Variants in TLN2 observed in about 807,000 individuals in gnomAD.
The protein encoded by TLN2 is talin-2.
In TLN2, 118 loss-of-function variants were observed where a neutral mutation model predicts 294.7. The ratio of observed to expected loss-of-function variants is 0.40; its 90% CI spans 0.34 to 0.47. The LOEUF (loss-of-function observed/expected upper bound fraction) is 0.47. Ranked by LOEUF, TLN2 falls within the 20% of genes least tolerant of loss-of-function variation. TLN2 has a pLI of 0.84. For missense variants in TLN2, 3,083 were observed against 3,282.2 expected (o/e 0.94, Z 1.48); for synonymous variants, 1,431 against 1,304.5 (o/e 1.10, Z -2.09).
At chr15:62,492,862 G>C (rs189787221) in intron 1 of TLN2, among the ~76,000 whole-genome samples, 72 of 152,220 alleles carry the variant, frequency 4.7e-4, no homozygotes, top group African/African-American at 1.6e-3. Flanking sequence ...GTAAATCCTT[G>C]TGTCTCTAAT....
At position 62,570,340 on chromosome 15, in the gene TLN2, GA is replaced by G. The variant is rs1472792598; in HGVS notation, c.-237-19341del. Among the ~76,000 whole-genome samples the G allele has an allele frequency of 3.3e-5, 5 of 152,290 alleles. No homozygotes were observed. In the East Asian group the frequency reaches 9.7e-4, roughly 29 times the overall value. On this transcript the variant is annotated intron_variant, in intron 1 of 58. Coordinates refer to ENST00000636159, the MANE Select transcript of TLN2 (RefSeq NM_015059.3). ...TAATCTTTGGTAAACATGGCCGTTGGAAAAAAGCAAATATTTGTCTTGGCAG... is the reference window on the plus strand; with the variant it reads ...TAATCTTTGGTAAACATGGCCGTTGGAAAAAGCAAATATTTGTCTTGGCAG...
chr15:62,607,039 C>T (rs574350665), intron 2 of TLN2, among the ~76,000 whole-genome samples: 2 of 152,160 alleles, frequency 1.3e-5, no homozygotes, highest in African/African-American at 2.4e-5. Flanking sequence ...TCCTCATCTC[C>T]GGATGAGTTT....
intron 1 of TLN2, among the ~76,000 whole-genome samples, chr15:62,537,285 G>T (rs534767977): frequency 6.6e-6 from 1 of 152,168 alleles, no homozygotes; most frequent in South Asian, 2.1e-4. Context: ...AAAGTGCTGG[G>T]ATTACAGGCA....
At chr15:62,462,532 G>T (rs938673525) in intron 1 of TLN2, among the ~76,000 whole-genome samples, 6 of 152,176 alleles carry the variant, frequency 3.9e-5, no homozygotes, top group Non-Finnish European at 7.3e-5. Context: ...GACCCTCAGG[G>T]TCCAGATTGC....
intron 1 of TLN2, among the ~76,000 whole-genome samples, chr15:62,548,669 C>T (rs2042125481): frequency 6.6e-6 from 1 of 152,150 alleles, no homozygotes; most frequent in African/African-American, 2.4e-5. Flanking sequence ...GGTTCCTGTT[C>T]ATCCCACAGC....
intron 58 of TLN2, among the ~76,000 whole-genome samples, chr15:62,839,890 C>A (rs1176298815): frequency 6.6e-6 from 1 of 152,228 alleles, no homozygotes; most frequent in African/African-American, 2.4e-5. Flanking sequence ...GTAGCCTAGT[C>A]AAGGCTCTGG....
chr15:62,399,586 G>A (rs2032863009), intron 1 of TLN2, among the ~76,000 whole-genome samples: 1 of 152,240 alleles, frequency 6.6e-6, no homozygotes, highest in Non-Finnish European at 1.5e-5. Flanking sequence ...AGCTGTCCAA[G>A]GTCATGGGAA....
intron 1 of TLN2, among the ~76,000 whole-genome samples, chr15:62,494,454 A>T (rs529184953): frequency 3.3e-5 from 5 of 152,200 alleles, no homozygotes; most frequent in Admixed American, 1.3e-4. Flanking sequence ...CCCTATTTAG[A>T]AAAATGGCTA....
intron 1 of TLN2, among the ~76,000 whole-genome samples, chr15:62,546,468 C>T (rs77215620): frequency 0.014 from 2,161 of 152,162 alleles, 17 homozygotes; most frequent in Middle Eastern, 0.027. Flanking sequence ...ATTTCTTGCT[C>T]CATAGTTGTG....
At chr15:62,659,096 G>A (rs887561452) in intron 9 of TLN2, among the ~76,000 whole-genome samples, 1 of 152,142 alleles carries the variant, frequency 6.6e-6, no homozygotes, top group African/African-American at 2.4e-5. Context: ...TCATTCACCG[G>A]GTTCCTATAT....
At chr15:62,702,716 C>T in intron 18 of TLN2, 50 bp from the exon 19 acceptor site, 2 of 1,559,534 alleles carry the variant, frequency 1.3e-6, no homozygotes, top group Non-Finnish European at 1.8e-6. Flanking sequence ...TCTGATGGCA[C>T]TGGAGGAAAT....
chr15:62,409,142 G>C (rs563272785), intron 1 of TLN2, among the ~76,000 whole-genome samples: 1 of 150,198 alleles, frequency 6.7e-6, no homozygotes, highest in African/African-American at 2.5e-5. Context: ...ATGACTGACT[G>C]TTGGGGATTT....
rs1202686248 is a variant in TLN2, at chr15:62,518,594, G to GT, written c.-237-71085dup. Reference sequence around the variant, plus strand: ...ACGGTGGAGAGCCGTGACCTGCAATGTTTTTTTTGTTTGTTTTTTTGAGAT... The same window carrying GT: ...ACGGTGGAGAGCCGTGACCTGCAATGTTTTTTTTTGTTTGTTTTTTTGAGAT... On this transcript the variant is annotated intron_variant, in intron 1 of 58. Coordinates refer to ENST00000636159, the MANE Select transcript of TLN2 (RefSeq NM_015059.3). Among the ~76,000 whole-genome samples the GT allele has an allele frequency of 2.0e-5, 3 of 151,620 alleles. No homozygotes were observed. The East Asian group carries it at 5.8e-4, about 29-fold the overall frequency.
intron 5 of TLN2, among the ~76,000 whole-genome samples, chr15:62,651,552 T>C (rs2052586479): frequency 6.6e-6 from 1 of 152,200 alleles, no homozygotes; most frequent in South Asian, 2.1e-4. Flanking sequence ...TAATACAATT[T>C]TAATTACTGG....
chr15:62,766,791 C>T (rs2063037155), intron 41 of TLN2, among the ~76,000 whole-genome samples: 1 of 152,188 alleles, frequency 6.6e-6, no homozygotes, highest in Non-Finnish European at 1.5e-5. Flanking sequence ...GGCCGGCCAG[C>T]CCCATTCTGG....
chr15:62,474,778 G>A (rs1048072224), intron 1 of TLN2, among the ~76,000 whole-genome samples: 2 of 152,244 alleles, frequency 1.3e-5, no homozygotes, highest in African/African-American at 2.4e-5. Flanking sequence ...GTTTGAGAGT[G>A]AAAGGAAAAT....
rs1411425737 is a variant in TLN2 at position 62,805,668 on chromosome 15, C to T, written c.6546C>T (p.Gly2182=). 6.2e-7 allele frequency: 1 copy of T among 1,614,128 alleles called. No homozygotes were observed. Among genetic ancestry groups the T allele is most frequent in the Non-Finnish European group, 8.5e-7 (1 of 1,179,986 alleles). ...AAGAATCCATAAGGATGACGAAAGGCATCACCATGGCAACAGCCAAAGCCG... is the reference window on the plus strand; with the variant it reads ...AAGAATCCATAAGGATGACGAAAGGTATCACCATGGCAACAGCCAAAGCCG... ...SPEESIRMTK[G]ITMATAKAVA... The change falls in exon 51 of 59, where the codon GGC becomes GGT. Residue 2182 remains glycine, a synonymous_variant. Transcript: ENST00000636159.
At chr15:62,560,331 C>T (rs1216501785) in intron 1 of TLN2, among the ~76,000 whole-genome samples, 2 of 152,170 alleles carry the variant, frequency 1.3e-5, no homozygotes, top group African/African-American at 2.4e-5. Context: ...ACCTCCACCT[C>T]CCGGGTTCAA....
intron 57 of TLN2, 98 bp downstream of exon 57, chr15:62,836,171 C>A: frequency 1.3e-6 from 2 of 1,493,056 alleles, no homozygotes; most frequent in Non-Finnish European, 1.8e-6. Flanking sequence ...ACCCACCAGG[C>A]CTTCCATCAG....
Sources: allele counts gnomAD v4.1 joint callset (sites outside exome capture counted in the v4.1 genomes callset), GRCh38; gene constraint gnomAD v4.1.1; transcripts MANE v1.5; gene names NCBI Gene and HGNC (gene_info 2026-07-23, HGNC 2026-07-21).